Variants in ADGRL2 observed in about 807,000 individuals in gnomAD.
ADGRL2 encodes calcium-independent alpha-latrotoxin receptor 2.
ADGRL2 carries 44 observed loss-of-function variants against 157.4 expected under a neutral mutation model. The ratio of observed to expected loss-of-function variants is 0.28; its 90% CI spans 0.22 to 0.36. The LOEUF (loss-of-function observed/expected upper bound fraction) is 0.36. Among genes scored for constraint, ADGRL2 ranks in the 10% least tolerant of loss-of-function variants. ADGRL2 has a pLI of 1.00. For missense variants in ADGRL2, 1,510 were observed against 1,768.9 expected, an observed-to-expected ratio of 0.85 and a Z score of 2.63; for synonymous variants, 585 against 624.7, an observed-to-expected ratio of 0.94 and a Z score of 0.95.
chr1:81,413,323 A>G lies in ADGRL2; in HGVS notation c.-301-31713A>G, dbSNP rs148572186. ...CCCAAAAAGAAACAGACCAAATAATATTTCCAATATTGTAATAAATTCATC... is the reference window on the plus strand; with the variant it reads ...CCCAAAAAGAAACAGACCAAATAATGTTTCCAATATTGTAATAAATTCATC... On this transcript the variant is annotated intron_variant, in intron 1 of 24. Coordinates refer to the ADGRL2 transcript ENST00000370721. 4.1e-3 allele frequency among the ~76,000 whole-genome samples: 617 copies of G among 152,228 alleles called. 4 individuals carry two copies. The highest frequency in any genetic ancestry group is 0.014 in the Middle Eastern group (4 of 294).
intron 1 of ADGRL2, among the ~76,000 whole-genome samples, chr1:81,823,348 C>G (rs372175271): frequency 5.6e-5 from 8 of 143,706 alleles, no homozygotes; most frequent in Middle Eastern, 6.9e-3. Flanking sequence ...TCTTCCCTCC[C>G]TCCTTCCCTC....
chr1:81,952,031 G>A lies in ADGRL2; in HGVS notation c.1683G>A (p.Gly561=). Residue 561 remains glycine, a synonymous_variant, in exon 9 of 24, where the codon GGG becomes GGA. Transcript: ENST00000686636. ...ATACCAAAGGGCCAGTGTTTGCTGG[G>A]GATGTAAGTTCTTCAGTGAGATTGA... ...AKHTKGPVFA[G]DVSSSVRLME... The A allele has an allele frequency of 6.2e-7, 1 of 1,613,774 alleles. No individual in the cohort carries two copies. Among genetic ancestry groups the A allele is most frequent in the Non-Finnish European group, 8.5e-7 (1 of 1,179,726 alleles).
At chr1:81,421,781 A>G (rs1423794899) in intron 1 of ADGRL2, among the ~76,000 whole-genome samples, 1 of 152,166 alleles carries the variant, frequency 6.6e-6, no homozygotes, top group African/African-American at 2.4e-5. Context: ...TAGGTTTCCA[A>G]TTAGTTGCCT....
intron 1 of ADGRL2, among the ~76,000 whole-genome samples, chr1:81,828,257 C>G (rs1331644694): frequency 6.9e-6 from 1 of 145,508 alleles, no homozygotes; most frequent in East Asian, 1.9e-4. Context: ...CTGTCTGGTC[C>G]TCCATAGAAA....
chr1:81,420,298 T>C (rs1351690663), intron 1 of ADGRL2, among the ~76,000 whole-genome samples: 1 of 152,222 alleles, frequency 6.6e-6, no homozygotes, highest in East Asian at 1.9e-4. Context: ...GTCTGTCTTT[T>C]ACACTTTAGT....
At chr1:81,338,254 C>T (rs928186413) in intron 1 of ADGRL2, among the ~76,000 whole-genome samples, 3 of 151,966 alleles carry the variant, frequency 2.0e-5, no homozygotes, top group Non-Finnish European at 4.4e-5. Context: ...TTCCAGCTAC[C>T]GGGGAGGCTA....
intron 2 of ADGRL2, among the ~76,000 whole-genome samples, chr1:81,903,772 A>ATT (rs1171536216): frequency 6.8e-6 from 1 of 146,288 alleles, no homozygotes; most frequent in African/African-American, 2.5e-5. Flanking sequence ...ATATATACAC[A>ATT]TTATATATAT....
chr1:81,755,371 T>C (rs2085652384), intron 1 of ADGRL2, among the ~76,000 whole-genome samples: 1 of 151,768 alleles, frequency 6.6e-6, no homozygotes, highest in Non-Finnish European at 1.5e-5. Flanking sequence ...TAATTATCAT[T>C]ATCATTATTA....
At chr1:81,346,793 G>A (rs1662512740) in intron 1 of ADGRL2, among the ~76,000 whole-genome samples, 1 of 152,174 alleles carries the variant, frequency 6.6e-6, no homozygotes, top group Non-Finnish European at 1.5e-5. Flanking sequence ...TGTTTGAGCA[G>A]AGCAGTCTAT....
In ADGRL2 at chr1:81,578,083, T is replaced by C. The variant is rs551141231; in HGVS notation, c.-247-2793T>C. ...ACAGGGTATTATATTTTAAGCACCA[T>C]TAAAACCTTGAAATTGCACAGTGAC... On this transcript the variant is annotated intron_variant, in intron 2 of 24. Coordinates refer to the ADGRL2 transcript ENST00000370721. Among the ~76,000 whole-genome samples the C allele has an allele frequency of 1.1e-4, 16 of 152,302 alleles. No individual in the cohort carries two copies. The South Asian group carries it at 3.3e-3, about 32-fold the overall frequency.
At position 81,425,346 on chromosome 1, in the gene ADGRL2, G is replaced by A. The variant is rs182530351; in HGVS notation, c.-301-19690G>A. On this transcript the variant is annotated intron_variant, in intron 1 of 24. Transcript: ENST00000370721. ...ACCAGTTCTCACTTATTTGTGTACCGTCTTGTAGCTAACTGTTACTACTAC... is the reference window on the plus strand; with the variant it reads ...ACCAGTTCTCACTTATTTGTGTACCATCTTGTAGCTAACTGTTACTACTAC... Among the ~76,000 whole-genome samples the A allele has an allele frequency of 3.6e-4, 55 of 151,920 alleles. 1 individual carries two copies. In the South Asian group the frequency reaches 7.3e-3, roughly 20 times the overall value.
At chr1:81,818,670 A>T (rs1276504955) in intron 1 of ADGRL2, among the ~76,000 whole-genome samples, 1 of 152,180 alleles carries the variant, frequency 6.6e-6, no homozygotes, top group Non-Finnish European at 1.5e-5. Flanking sequence ...GGAAAACTGT[A>T]CTGTTATGTA....
chr1:81,422,215 T>G (rs998152534), intron 1 of ADGRL2, among the ~76,000 whole-genome samples: 1 of 152,210 alleles, frequency 6.6e-6, no homozygotes, highest in Non-Finnish European at 1.5e-5. Context: ...ATTATATTAT[T>G]TTAAGAGGTA....
rs1229498708 is a variant in ADGRL2 at position 81,721,962 on chromosome 1, C to T, written c.-143+22154C>T. On this transcript the variant is annotated intron_variant, in intron 1 of 20. Coordinates refer to the ADGRL2 transcript ENST00000359929. Reference sequence around the variant, plus strand: ...AGTTGATAATGAATGGGTGATTGAACCAGACACTGATGCCCTTTAAGAAAT... The same window carrying T: ...AGTTGATAATGAATGGGTGATTGAATCAGACACTGATGCCCTTTAAGAAAT... 4.9e-6 allele frequency: 3 copies of T among 613,992 alleles called. 1 individual carries two copies. The highest frequency in any genetic ancestry group is 4.3e-5 in the South Asian group (3 of 69,152). The allele number at this position is 613,992 out of a possible 1,614,324, so 38.0% of individuals were successfully genotyped here.
chr1:81,429,181 T>G (rs1195804282), intron 1 of ADGRL2, among the ~76,000 whole-genome samples: 1 of 152,102 alleles, frequency 6.6e-6, no homozygotes, highest in Non-Finnish European at 1.5e-5. Context: ...AGTAGTAAGA[T>G]TTGTTTGTGA....
At chr1:81,402,687 C>G (rs907413132) in intron 1 of ADGRL2, among the ~76,000 whole-genome samples, 2 of 152,178 alleles carry the variant, frequency 1.3e-5, no homozygotes, top group Non-Finnish European at 2.9e-5. Context: ...TATTGTCTTC[C>G]ATTTTCTTAG....
At chr1:81,899,919 T>G (rs1320559941) in intron 2 of ADGRL2, among the ~76,000 whole-genome samples, 1 of 152,184 alleles carries the variant, frequency 6.6e-6, no homozygotes, top group Non-Finnish European at 1.5e-5. Flanking sequence ...ACCATAACGA[T>G]GTTCTTTACA....
At chr1:81,877,516 G>C (rs2093871636) in intron 2 of ADGRL2, among the ~76,000 whole-genome samples, 1 of 152,194 alleles carries the variant, frequency 6.6e-6, no homozygotes, top group Middle Eastern at 3.4e-3. Context: ...ATTTTAATGT[G>C]TGTACTTGAG....
intron 2 of ADGRL2, among the ~76,000 whole-genome samples, chr1:81,492,937 C>T (rs1468917807): frequency 6.6e-6 from 1 of 151,992 alleles, no homozygotes; most frequent in Non-Finnish European, 1.5e-5. Context: ...TATAAAATGA[C>T]CTTGAATTAT....
Sources: allele counts gnomAD v4.1 joint callset (sites outside exome capture counted in the v4.1 genomes callset), GRCh38; gene constraint gnomAD v4.1.1; transcripts MANE v1.5; gene names NCBI Gene and HGNC (gene_info 2026-07-23, HGNC 2026-07-21).